Variants in ZNF678 observed in about 807,000 individuals in gnomAD.
ZNF678 encodes the protein zinc finger protein 678, also known as hypothetical protein MGC42493.
In ZNF678, 5 loss-of-function variants were observed where a neutral mutation model predicts 3.0. The ratio of observed to expected loss-of-function variants is 1.69; its 90% CI spans 0.88 to 3.56. The LOEUF (loss-of-function observed/expected upper bound fraction) is 3.56, where lower values mean the gene tolerates loss of function less well. ZNF678 is among the 30% of genes most tolerant of loss of function. The pLI is 0.00. For missense variants in ZNF678, 593 were observed against 605.0 expected (o/e 0.98, Z 0.21); for synonymous variants, 218 against 199.6 (o/e 1.09, Z -0.78).
At chr1:227,610,188 C>T (rs190629622) in intron 1 of ZNF678, among the ~76,000 whole-genome samples, 10 of 152,208 alleles carry the variant, frequency 6.6e-5, no homozygotes, top group African/African-American at 2.4e-4. Context: ...AAATAGAAAA[C>T]CTGACGTACT....
chr1:227,645,506 A>G (rs1658933888), intron 1 of ZNF678, among the ~76,000 whole-genome samples: 2 of 152,160 alleles, frequency 1.3e-5, no homozygotes, highest in Non-Finnish European at 2.9e-5. Flanking sequence ...CTATATATCA[A>G]TGTTTTATAT....
chr1:227,628,928 C>T (rs569653372), intron 1 of ZNF678, among the ~76,000 whole-genome samples: 9 of 152,170 alleles, frequency 5.9e-5, no homozygotes, highest in Non-Finnish European at 1.0e-4. Flanking sequence ...TACAGGGATG[C>T]AGAAAAAGGC....
At chr1:227,626,176 A>T (rs1658407897) in intron 1 of ZNF678, among the ~76,000 whole-genome samples, 1 of 152,162 alleles carries the variant, frequency 6.6e-6, no homozygotes, top group Admixed American at 6.5e-5. Flanking sequence ...AGGGAGGGCC[A>T]TGGCGATCTA....
At chr1:227,606,870 A>G (rs1657886562) in intron 1 of ZNF678, among the ~76,000 whole-genome samples, 1 of 152,194 alleles carries the variant, frequency 6.6e-6, no homozygotes, top group African/African-American at 2.4e-5. Context: ...AGTACAGCAC[A>G]TGTTTCTGTG....
chr1:227,644,016 A>G (rs1336634059), intron 1 of ZNF678, among the ~76,000 whole-genome samples: 1 of 151,912 alleles, frequency 6.6e-6, no homozygotes, highest in Non-Finnish European at 1.5e-5. Flanking sequence ...GGCTGCCACC[A>G]TGACGCCCAG....
intron 1 of ZNF678, chr1:227,598,499 T>G (rs1410220984): frequency 8.8e-6 from 12 of 1,366,394 alleles, no homozygotes; most frequent in Non-Finnish European, 1.1e-5. Flanking sequence ...TTTTCTTTTT[T>G]TGTTTTTTTT....
At chr1:227,576,530 A>G (rs1334898848) in intron 1 of ZNF678, among the ~76,000 whole-genome samples, 1 of 152,208 alleles carries the variant, frequency 6.6e-6, no homozygotes, top group Admixed American at 6.5e-5. Flanking sequence ...TTATGTGCAT[A>G]GAGGCATACA....
chr1:227,568,303 T>C (rs904038206), intron 1 of ZNF678, among the ~76,000 whole-genome samples: 1 of 117,556 alleles, frequency 8.5e-6, no homozygotes, highest in East Asian at 2.2e-4. Context: ...TGGTGGTTGG[T>C]GAACAAGTAC....
In ZNF678 at chr1:227,650,758, G is replaced by A. The variant is rs1659070105; in HGVS notation, c.-36-198G>A. On this transcript the variant is annotated intron_variant, in intron 2 of 3. Transcript: ENST00000343776. ...GTAAATGAGTTTTTTTTATTAAGTG[G>A]TTTGTAGTTAGTGTATTAGAACAAA... Among the ~76,000 whole-genome samples, 8 of 152,016 alleles carry A rather than the reference G, an allele frequency of 5.3e-5. No homozygotes were observed. The South Asian group carries it at 1.7e-3, about 32-fold the overall frequency.
At chr1:227,624,521 G>A (rs1171817347) in intron 1 of ZNF678, among the ~76,000 whole-genome samples, 22 of 152,268 alleles carry the variant, frequency 1.4e-4, no homozygotes, top group African/African-American at 4.8e-5. Context: ...AGATGTTACC[G>A]GCAGGTCTTT....
chr1:227,616,250 C>T (rs1200465943), intron 1 of ZNF678, among the ~76,000 whole-genome samples: 1 of 152,160 alleles, frequency 6.6e-6, no homozygotes, highest in Non-Finnish European at 1.5e-5. Flanking sequence ...CTAGGACAGT[C>T]CTAAACCATC....
intron 1 of ZNF678, 72 bp from the exon 2 acceptor site, chr1:227,646,472 C>T (rs1658956827): frequency 7.6e-7 from 1 of 1,309,686 alleles, no homozygotes; most frequent in African/African-American, 1.5e-5. Flanking sequence ...TTACTCTCTT[C>T]AGTTGGAGTC....
rs1659261618 is a variant in ZNF678, at chr1:227,656,874, A to G, written c.*1046A>G. 1 of 151,988 alleles carries G rather than the reference A, an allele frequency of 6.6e-6. No individual in the cohort carries two copies. Among genetic ancestry groups the G allele is most frequent in the South Asian group, 2.1e-4 (1 of 4,834 alleles). The allele number at this position is 151,988 out of a possible 1,614,324, so 9.4% of individuals were successfully genotyped here. A position where few individuals can be genotyped will look rare whatever the true frequency, so the allele number is the denominator to read the frequency against. The stretch of plus-strand genomic sequence containing the variant: ...CATTGAATGAAGTATATCTTGCCAC[A>G]ATAATTAACCTATACCACCTTACCC... On this transcript the variant is annotated 3_prime_UTR_variant, in exon 4 of 4. Coordinates refer to ENST00000343776, the MANE Select transcript of ZNF678 (RefSeq NM_001367909.1).
intron 5 of ZNF678, among the ~76,000 whole-genome samples, chr1:227,672,316 A>C (rs1659615454): frequency 6.6e-6 from 1 of 152,154 alleles, no homozygotes; most frequent in South Asian, 2.1e-4. Context: ...GGGGAGTGAC[A>C]GTGGGTATGG....
downstream of ZNF678, among the ~76,000 whole-genome samples, chr1:227,664,432 CAGAA>C (rs1275657705): frequency 2.6e-5 from 4 of 152,088 alleles, no homozygotes; most frequent in Non-Finnish European, 4.4e-5. Context: ...CACACGGTGT[CAGAA>C]AGACATGTGA....
At chr1:227,668,989 A>G (rs1659554674) in intron 5 of ZNF678, among the ~76,000 whole-genome samples, 1 of 152,102 alleles carries the variant, frequency 6.6e-6, no homozygotes, top group African/African-American at 2.4e-5. Flanking sequence ...ACCCTCCTCA[A>G]CATCGACTTT....
At chr1:227,644,605 C>T (rs759755221) in intron 1 of ZNF678, among the ~76,000 whole-genome samples, 1 of 152,166 alleles carries the variant, frequency 6.6e-6, no homozygotes, top group East Asian at 1.9e-4. Flanking sequence ...GGAGGATCAA[C>T]ATTAACACGA....
intron 1 of ZNF678, among the ~76,000 whole-genome samples, chr1:227,623,167 T>C (rs1658322239): frequency 6.6e-6 from 1 of 152,264 alleles, no homozygotes; most frequent in African/African-American, 2.4e-5. Flanking sequence ...TTTGCTCCTA[T>C]GGGTTCTGTG....
chr1:227,644,335 C>T (rs1390573171), intron 1 of ZNF678, among the ~76,000 whole-genome samples: 2 of 152,168 alleles, frequency 1.3e-5, no homozygotes, highest in Non-Finnish European at 2.9e-5. Context: ...TTGTAGTGTA[C>T]TTCCGAGCAC....
Sources: gnomAD v4.1 joint callset for allele counts (sites outside exome capture counted in the v4.1 genomes callset) on GRCh38, gnomAD v4.1.1 for gene constraint, MANE v1.5 for transcripts, NCBI Gene and HGNC (gene_info 2026-07-23, HGNC 2026-07-21) for gene names.